Variants in IQGAP2 observed in about 807,000 individuals in gnomAD.
IQGAP2 encodes the protein IQ motif containing GTPase activating protein 2.
Under a neutral mutation model 201.3 loss-of-function variants are expected in IQGAP2, and 173 were observed. The ratio of observed to expected loss-of-function variants is 0.86; its 90% CI spans 0.76 to 0.98. The LOEUF (loss-of-function observed/expected upper bound fraction) is 0.98, where lower values mean the gene tolerates loss of function less well. Ranked by LOEUF, IQGAP2 falls within the 50% of genes least tolerant of loss-of-function variation. The probability of loss-of-function intolerance (pLI) is 0.00; values close to 1 mark genes in which losing one functional copy is unlikely to be tolerated. For synonymous variants in IQGAP2, 675 were observed against 673.9 expected (o/e 1.00, Z -0.03); for missense variants, 1,687 against 1,864.8 (o/e 0.90, Z 1.76).
At chr5:76,523,730 A>ATTT (rs1170027225) in intron 2 of IQGAP2, among the ~76,000 whole-genome samples, 2 of 152,132 alleles carry the variant, frequency 1.3e-5, no homozygotes, top group Non-Finnish European at 2.9e-5. Flanking sequence ...GAAGAGAAAA[A>ATTT]TTTTCATCTA....
chr5:76,543,393 G>T (rs1244884717), intron 2 of IQGAP2, among the ~76,000 whole-genome samples: 1 of 152,216 alleles, frequency 6.6e-6, no homozygotes, highest in Non-Finnish European at 1.5e-5. Flanking sequence ...GCCAGTGCTT[G>T]ATGATGGTTG....
chr5:76,469,707 A>G (rs918168728), intron 2 of IQGAP2, among the ~76,000 whole-genome samples: 7 of 152,106 alleles, frequency 4.6e-5, no homozygotes, highest in South Asian at 4.1e-4. Context: ...CCTGGCCTCA[A>G]AAAACTAATA....
chr5:76,589,096 A>C (rs528714001), intron 6 of IQGAP2, 123 bp downstream of exon 6: 5 of 512,858 alleles, frequency 9.7e-6, no homozygotes, highest in Non-Finnish European at 1.8e-5. Context: ...GGCGGATCAC[A>C]AGGTCAGGAG....
chr5:76,548,888 T>A (rs571703380), intron 2 of IQGAP2, among the ~76,000 whole-genome samples: 1 of 152,230 alleles, frequency 6.6e-6, no homozygotes, highest in South Asian at 2.1e-4. Flanking sequence ...GTGTATCTAG[T>A]GTAAGGCAAT....
intron 11 of IQGAP2, among the ~76,000 whole-genome samples, chr5:76,604,166 G>A (rs1259096420): frequency 6.6e-6 from 1 of 151,768 alleles, no homozygotes; most frequent in Non-Finnish European, 1.5e-5. Flanking sequence ...GTATGTTGTT[G>A]TTCCCCTCCC....
rs529258058 is a variant in IQGAP2, at chr5:76,572,603, A to AT, written c.381+1952dup. On this transcript the variant is annotated intron_variant, in intron 4 of 35. Coordinates refer to ENST00000274364, the MANE Select transcript of IQGAP2 (RefSeq NM_006633.5). Reference sequence around the variant, plus strand: ...CAGGTGGGCACCACCACACCTGGCTATTTTTTGTATTTTTAGTAGAGACAG... The same window carrying AT: ...CAGGTGGGCACCACCACACCTGGCTATTTTTTTGTATTTTTAGTAGAGACAG... Among the ~76,000 whole-genome samples the AT allele has an allele frequency of 5.0e-3, 759 of 150,958 alleles. 9 individuals are homozygous for AT. The highest frequency in any genetic ancestry group is 0.018 in the African/African-American group (721 of 40,986).
chr5:76,675,554 C>A (rs1001571842), intron 27 of IQGAP2, among the ~76,000 whole-genome samples: 1 of 152,142 alleles, frequency 6.6e-6, no homozygotes, highest in Non-Finnish European at 1.5e-5. Flanking sequence ...AGGCATGAGT[C>A]TGGTAGTCAG....
intron 14 of IQGAP2, chr5:76,628,837 G>A: frequency 2.5e-6 from 1 of 407,548 alleles, no homozygotes; most frequent in Non-Finnish European, 4.8e-6. Flanking sequence ...AAAAAATAAT[G>A]AAGTGGAGGT....
chr5:76,457,594 G>T (rs1754175438), intron 1 of IQGAP2, among the ~76,000 whole-genome samples: 3 of 152,072 alleles, frequency 2.0e-5, no homozygotes, highest in Admixed American at 6.5e-5. Context: ...GGTGGCCTTG[G>T]TGTCTCTGTG....
At position 76,683,085 on chromosome 5, in the gene IQGAP2, C is replaced by T. The variant is rs1178376068; in HGVS notation, c.3661-30C>T. 6 of 1,388,598 alleles carry T rather than the reference C, an allele frequency of 4.3e-6. No individual in the cohort carries two copies. In the Admixed American group the frequency reaches 7.8e-5, roughly 18 times the overall value. The allele number at this position is 1,388,598 out of a possible 1,614,324, so 86.0% of individuals were successfully genotyped here. A position where few individuals can be genotyped will look rare whatever the true frequency, so the allele number is the denominator to read the frequency against. On this transcript the variant is annotated intron_variant, in intron 28 of 35. Transcript: ENST00000274364. ...GGTACAGTTGAGAATTTACTTTTTT[C>T]TTTGTGTGTGTGTTGCTTTCTACAT...
intron 5 of IQGAP2, among the ~76,000 whole-genome samples, chr5:76,586,095 G>A (rs1243220822): frequency 6.6e-6 from 1 of 152,162 alleles, no homozygotes; most frequent in East Asian, 1.9e-4. Context: ...ATAATGACTT[G>A]TTGGCATGAA....
intron 30 of IQGAP2, among the ~76,000 whole-genome samples, chr5:76,688,309 A>G (rs754189893): frequency 6.6e-6 from 1 of 152,184 alleles, no homozygotes; most frequent in African/African-American, 2.4e-5. Context: ...AAATGCCCTT[A>G]TGTTTAATTA....
chr5:76,603,547 C>T (rs567576538), intron 11 of IQGAP2, among the ~76,000 whole-genome samples: 4 of 152,174 alleles, frequency 2.6e-5, no homozygotes, highest in Non-Finnish European at 5.9e-5. Context: ...GGTTTCCTTC[C>T]ACTTCTTGCT....
At chr5:76,521,053 G>A (rs983616154) in intron 2 of IQGAP2, among the ~76,000 whole-genome samples, 2 of 152,060 alleles carry the variant, frequency 1.3e-5, no homozygotes, top group African/African-American at 4.8e-5. Flanking sequence ...TTTCATCAGT[G>A]TTTTATAGTT....
chr5:76,550,892 C>T (rs1291182137), intron 2 of IQGAP2, among the ~76,000 whole-genome samples: 1 of 152,134 alleles, frequency 6.6e-6, no homozygotes, highest in African/African-American at 2.4e-5. Context: ...GGGTGGCGGC[C>T]GGGCAGAGGG....
At chr5:76,480,326 G>A (rs1478639974) in intron 2 of IQGAP2, among the ~76,000 whole-genome samples, 2 of 152,074 alleles carry the variant, frequency 1.3e-5, no homozygotes, top group East Asian at 1.9e-4. Flanking sequence ...CTCAAACATG[G>A]CCCTTCTTTC....
At chr5:76,701,242 C>A in intron 34 of IQGAP2, 29 bp downstream of exon 34, 2 of 1,609,112 alleles carry the variant, frequency 1.2e-6, no homozygotes, top group Non-Finnish European at 1.7e-6. Context: ...CTGCATAGAA[C>A]ACGCATGCCA....
At chr5:76,631,576 A>G (rs1010214497) in intron 14 of IQGAP2, among the ~76,000 whole-genome samples, 22 of 152,158 alleles carry the variant, frequency 1.4e-4, no homozygotes, top group African/African-American at 5.3e-4. Context: ...ACCCCATTTC[A>G]TAGATTACTA....
At chr5:76,670,250 G>A (rs183424213) in intron 23 of IQGAP2, among the ~76,000 whole-genome samples, 4 of 152,310 alleles carry the variant, frequency 2.6e-5, no homozygotes, top group Non-Finnish European at 4.4e-5. Flanking sequence ...GGTGGCTCAC[G>A]CCTGTAGTCC....
Sources: gnomAD v4.1 joint callset for allele counts (sites outside exome capture counted in the v4.1 genomes callset) on GRCh38, gnomAD v4.1.1 for gene constraint, MANE v1.5 for transcripts, NCBI Gene and HGNC (gene_info 2026-07-23, HGNC 2026-07-21) for gene names.